Variants in QTMAN observed in about 807,000 individuals in gnomAD.
QTMAN encodes the protein tRNA-queuosine alpha-mannosyltransferase.
the QTMAN span, among the ~76,000 whole-genome samples, chr2:144,213,753 A>C: frequency 3.9e-5 from 6 of 152,228 alleles, no homozygotes; most frequent in Admixed American, 3.9e-4. Context: ...AATATTTGGA[A>C]ACTTAAGCTT....
chr2:144,272,687 T>C, the QTMAN span, among the ~76,000 whole-genome samples: 2 of 152,280 alleles, frequency 1.3e-5, no homozygotes, highest in Non-Finnish European at 1.5e-5. Context: ...AATTTTAAGA[T>C]TGAGGCAAAT....
chr2:144,152,335 C>T, the QTMAN span, among the ~76,000 whole-genome samples: 22 of 152,258 alleles, frequency 1.4e-4, no homozygotes, highest in Non-Finnish European at 2.5e-4. Context: ...AACTGTCTTA[C>T]GGATGTTTAA....
chr2:143,944,231 G>A, the QTMAN span: 1 of 149,038 alleles, frequency 6.7e-6, no homozygotes, highest in South Asian at 2.1e-4. Flanking sequence ...AAGCATGAAT[G>A]TGCGTGTGCA....
the QTMAN span, among the ~76,000 whole-genome samples, chr2:144,238,560 CT>C: frequency 6.6e-6 from 1 of 152,102 alleles, no homozygotes; most frequent in Non-Finnish European, 1.5e-5. Flanking sequence ...TCTCATAACA[CT>C]TTCATTCCTA....
the QTMAN span, among the ~76,000 whole-genome samples, chr2:144,129,929 A>C: frequency 2.4e-4 from 36 of 152,078 alleles, no homozygotes; most frequent in African/African-American, 8.7e-4. Context: ...AGTCAAATAT[A>C]GTAAGAACAA....
chr2:144,013,898 CTA>C, the QTMAN span, among the ~76,000 whole-genome samples: 12 of 152,162 alleles, frequency 7.9e-5, 1 homozygote, highest in East Asian at 5.8e-4. Context: ...TCATGCTACC[CTA>C]CATGTGTCCA....
At chr2:143,987,624 T>G in the QTMAN span, among the ~76,000 whole-genome samples, 15 of 152,210 alleles carry the variant, frequency 9.9e-5, no homozygotes, top group Non-Finnish European at 2.1e-4. Flanking sequence ...ATTTGAAGTA[T>G]TAATTTGTTT....
At chr2:144,092,883 G>GTGTGTT in the QTMAN span, among the ~76,000 whole-genome samples, 2 of 150,942 alleles carry the variant, frequency 1.3e-5, no homozygotes, top group African/African-American at 4.9e-5. Flanking sequence ...GTGTGTGTGT[G>GTGTGTT]TGTGTGTGTG....
chr2:144,318,759 G>A, the QTMAN span, among the ~76,000 whole-genome samples: 1 of 152,152 alleles, frequency 6.6e-6, no homozygotes, highest in African/African-American at 2.4e-5. Context: ...TTGATGAACT[G>A]TATATGCTAT....
chr2:144,133,595 T>C, the QTMAN span, among the ~76,000 whole-genome samples: 1 of 130,874 alleles, frequency 7.6e-6, no homozygotes, highest in East Asian at 2.1e-4. Context: ...TACAAATATA[T>C]ATATATATGA....
chr2:144,267,227 C>A, the QTMAN span, among the ~76,000 whole-genome samples: 2 of 151,998 alleles, frequency 1.3e-5, no homozygotes, highest in South Asian at 4.2e-4. Context: ...GATACAAATG[C>A]TAAACAAGAA....
At chr2:143,980,399 T>C in the QTMAN span, among the ~76,000 whole-genome samples, 1 of 152,222 alleles carries the variant, frequency 6.6e-6, no homozygotes, top group Admixed American at 6.5e-5. Context: ...TTTTACCTAT[T>C]CATGTCTGTT....
At chr2:143,965,057 CTTCTT>C in the QTMAN span, among the ~76,000 whole-genome samples, 1 of 149,050 alleles carries the variant, frequency 6.7e-6, no homozygotes, top group South Asian at 2.1e-4. Flanking sequence ...TTTTGTTCTT[CTTCTT>C]TTTTTTTTTT....
chr2:144,111,854 C>T, the QTMAN span, among the ~76,000 whole-genome samples: 3 of 152,120 alleles, frequency 2.0e-5, no homozygotes, highest in Admixed American at 6.5e-5. Flanking sequence ...GCTTAAAAAA[C>T]AATGAAATGT....
At chr2:144,207,897 G>A in the QTMAN span, among the ~76,000 whole-genome samples, 1 of 151,536 alleles carries the variant, frequency 6.6e-6, no homozygotes. Flanking sequence ...TCACTCTATT[G>A]CCCAGGCTGG....
chr2:143,947,239 T>C, the QTMAN span: 1 of 781,422 alleles, frequency 1.3e-6, no homozygotes, highest in Admixed American at 2.2e-5. Flanking sequence ...ATCACTTACG[T>C]CAATTACATT....
At chr2:144,260,615 C>T in the QTMAN span, among the ~76,000 whole-genome samples, 3 of 151,882 alleles carry the variant, frequency 2.0e-5, no homozygotes, top group Admixed American at 2.0e-4. Context: ...CAATCAGTAA[C>T]TAATGCCCAC....
the QTMAN span, among the ~76,000 whole-genome samples, chr2:144,115,038 G>T: frequency 1.3e-5 from 2 of 152,038 alleles, no homozygotes; most frequent in Admixed American, 1.3e-4. Flanking sequence ...AGACTAGCCT[G>T]GCCAACATTG....
At chr2:144,081,666 G>A in the QTMAN span, among the ~76,000 whole-genome samples, 3 of 152,274 alleles carry the variant, frequency 2.0e-5, no homozygotes, top group South Asian at 6.2e-4. Context: ...GAAAGAGGAG[G>A]GAAAGGGAAG....
Sources: gnomAD v4.1 joint callset for allele counts (sites outside exome capture counted in the v4.1 genomes callset) on GRCh38, gnomAD v4.1.1 for gene constraint, MANE v1.5 for transcripts, NCBI Gene and HGNC (gene_info 2026-07-23, HGNC 2026-07-21) for gene names.